The following BSN variants were observed in gnomAD, a reference collection of about 807,000 sequenced individuals.
BSN encodes the protein bassoon presynaptic cytomatrix protein.
A neutral mutation model predicts 264.8 loss-of-function variants in BSN; 57 were observed. The ratio of observed to expected loss-of-function variants is 0.22; its 90% CI spans 0.17 to 0.27. The LOEUF (loss-of-function observed/expected upper bound fraction) is 0.27, where lower values mean the gene tolerates loss of function less well. BSN is among the 10% of genes least tolerant of loss of function. The pLI, the probability that BSN is intolerant of heterozygous loss-of-function variation, is 1.00. For missense variants in BSN, 4,615 were observed against 5,232.5 expected (o/e 0.88, Z 3.64); for synonymous variants, 2,059 against 2,137.3 (o/e 0.96, Z 1.01).
chr3:49,608,273 T>C (rs2052174692), intron 1 of BSN, among the ~76,000 whole-genome samples: 2 of 152,272 alleles, frequency 1.3e-5, no homozygotes, highest in African/African-American at 2.4e-5. Context: ...GAGGAAAGAC[T>C]GCATAGTTGG....
At chr3:49,632,894 A>G (rs1244673090) in intron 2 of BSN, among the ~76,000 whole-genome samples, 1 of 152,174 alleles carries the variant, frequency 6.6e-6, no homozygotes, top group Non-Finnish European at 1.5e-5. Flanking sequence ...TGAGCCTAGG[A>G]GTTTGAGACC....
At chr3:49,665,668 G>A (rs181062463) in intron 11 of BSN, among the ~76,000 whole-genome samples, 40 of 152,350 alleles carry the variant, frequency 2.6e-4, no homozygotes, top group Non-Finnish European at 4.8e-4. Context: ...GTCTGCTGCT[G>A]GTGCCTTTGC....
chr3:49,607,177 C>T (rs1186850304), intron 1 of BSN, among the ~76,000 whole-genome samples: 1 of 152,196 alleles, frequency 6.6e-6, no homozygotes, highest in Non-Finnish European at 1.5e-5. Flanking sequence ...GCCTGGACTT[C>T]TCATTACTTC....
chr3:49,636,737 G>C (rs970310923), intron 2 of BSN, among the ~76,000 whole-genome samples: 5 of 152,216 alleles, frequency 3.3e-5, no homozygotes, highest in Non-Finnish European at 7.3e-5. Context: ...GGATCAGTGT[G>C]ACCCTGCCCA....
At position 49,650,883 on chromosome 3, in the gene BSN, A is replaced by G. The variant is rs767797170; in HGVS notation, c.1790A>G (p.Glu597Gly). The change falls in exon 4 of 12, where the codon GAA becomes GGA. Residue 597 changes from glutamate to glycine, a missense_variant. Physicochemically the swap from Glu to Gly is moderately conservative, Grantham distance 98. This residue lies in a region of BSN where 1,197 missense variants were observed against 1,348.0 expected (regional missense o/e 0.89). Coordinates refer to ENST00000296452, the MANE Select transcript of BSN (RefSeq NM_003458.4). ...SPQAKPLRASEPSKTPSSVQE... is the reference protein window; with the variant it reads ...SPQAKPLRASGPSKTPSSVQE... The stretch of plus-strand genomic sequence containing the variant: ...CAGGCCAAGCCCCTCAGGGCTTCTG[A>G]ACCCAGCAAGACCCCAAGCAGTGTC... The G allele has an allele frequency of 8.1e-6, 13 of 1,614,090 alleles. No homozygotes were observed. In the Admixed American group the frequency reaches 1.5e-4, roughly 19 times the overall value.
At chr3:49,627,353 G>A (rs1162148475) in intron 2 of BSN, among the ~76,000 whole-genome samples, 1 of 152,178 alleles carries the variant, frequency 6.6e-6, no homozygotes, top group African/African-American at 2.4e-5. Flanking sequence ...ACCCTTCTCT[G>A]CTGGGGTTTT....
chr3:49,663,942 T>G lies in BSN; in HGVS notation c.11608+56T>G, dbSNP rs2052689298. ...GGCCCAGAGCACCCAGGCTGTTCTCTCTCTATACCACCTGTGCCCTGAGCT... is the reference window on the plus strand; with the variant it reads ...GGCCCAGAGCACCCAGGCTGTTCTCGCTCTATACCACCTGTGCCCTGAGCT... On this transcript the variant is annotated intron_variant, in intron 8 of 11. Transcript: ENST00000296452. 2.0e-6 allele frequency: 3 copies of G among 1,522,190 alleles called. No homozygotes were observed. The East Asian group carries it at 6.8e-5, about 35-fold the overall frequency. 94.3% of individuals were successfully genotyped at this position (1,522,190 alleles called of 1,614,324 possible).
chr3:49,580,703 C>G (rs1202375501), intron 1 of BSN, among the ~76,000 whole-genome samples: 1 of 152,212 alleles, frequency 6.6e-6, no homozygotes, highest in Non-Finnish European at 1.5e-5. Flanking sequence ...AAGCAATCCT[C>G]CTGCCTCTGC....
rs747486005 is a variant in BSN, at chr3:49,662,933, C to T, written c.10775C>T (p.Ser3592Phe). The T allele has an allele frequency of 6.2e-7, 1 of 1,613,382 alleles. No homozygotes were observed. The highest frequency in any genetic ancestry group is 8.5e-7 in the Non-Finnish European group (1 of 1,179,604). The part of the protein sequence containing the change: ...DWFDKPRDAR[S>F]DRFRHHGGHA... ...TTTGATAAGCCCCGGGATGCCCGCT[C>T]TGACCGGTTCAGGCACCACGGGGGC... The change falls in exon 7 of 12, where the codon TCT (serine) becomes TTT (phenylalanine). Residue 3592 changes from serine to phenylalanine, a missense_variant. Physicochemically the swap from Ser to Phe is radical, Grantham distance 155. Transcript: ENST00000296452.
At chr3:49,566,765 G>T (rs980812736) in intron 1 of BSN, among the ~76,000 whole-genome samples, 3 of 139,768 alleles carry the variant, frequency 2.1e-5, no homozygotes, top group Non-Finnish European at 4.6e-5. Flanking sequence ...CAGCCTGGGT[G>T]ACAGAGTAAG....
chr3:49,653,856 G>A lies in BSN; in HGVS notation c.4300G>A (p.Asp1434Asn), dbSNP rs1179139937. The A allele has an allele frequency of 7.4e-6, 12 of 1,613,946 alleles. No individual in the cohort carries two copies. Among genetic ancestry groups the A allele is most frequent in the Admixed American group, 3.3e-5 (2 of 59,996 alleles). ...TTANYGSQTE[D>N]LPQAPSGLAA... ...TGCAAACTATGGGTCCCAAACTGAG[G>A]ATCTACCCCAGGCCCCCAGTGGCCT... The change falls in exon 5 of 12, where the codon GAT becomes AAT. Residue 1434 changes from aspartate (D) to asparagine (N), a missense_variant. By Grantham distance (23) the Asp-to-Asn change is conservative. Around this residue, in one of 3 missense-constraint regions of BSN, gnomAD observed 3,415 missense variants for 3,866.4 expected, o/e 0.88. Coordinates refer to ENST00000296452, the MANE Select transcript of BSN (RefSeq NM_003458.4). The surrounding 1 kb of genome is among the most constrained non-coding windows in gnomAD (Gnocchi z 6.3).
rs754808600 is a variant in BSN, at chr3:49,655,952, G to A, written c.6396G>A (p.Gly2132=). 31 of 1,610,580 alleles carry A rather than the reference G, an allele frequency of 1.9e-5. No individual in the cohort carries two copies. The South Asian group carries it at 2.5e-4, about 13-fold the overall frequency. The change falls in exon 5 of 12, where the codon GGG becomes GGA. Residue 2132 remains glycine, a synonymous_variant. Coordinates refer to ENST00000296452, the MANE Select transcript of BSN (RefSeq NM_003458.4). ...PDLVQYQPQH[G]PGLSAPQSLV... ...TTGTGCAGTACCAGCCCCAGCACGG[G>A]CCCGGGCTCAGTGCTCCACAGAGTC...
intron 1 of BSN, among the ~76,000 whole-genome samples, chr3:49,603,805 A>G (rs2052090328): frequency 6.6e-6 from 1 of 152,022 alleles, no homozygotes; most frequent in Non-Finnish European, 1.5e-5. Flanking sequence ...CATTTTTGCC[A>G]CCCCAAAAGA....
chr3:49,590,537 T>C (rs1470409132), intron 1 of BSN, among the ~76,000 whole-genome samples: 1 of 152,160 alleles, frequency 6.6e-6, no homozygotes, highest in East Asian at 1.9e-4. Flanking sequence ...TTTAAAATTA[T>C]GTGCCTAGTG....
chr3:49,663,615 G>A lies in BSN; in HGVS notation c.11457G>A (p.Gly3819=). ...CCCCTGCTGCCAGCCAGCCTGCAGG[G>A]AAGCCTCAGCCAGGCCCCAGCACAG... ...GSAPAASQPA[G]KPQPGPSTAT... The change falls in exon 7 of 12, where the codon GGG becomes GGA. Residue 3819 remains glycine, a synonymous_variant. Coordinates refer to ENST00000296452, the MANE Select transcript of BSN (RefSeq NM_003458.4). The A allele has an allele frequency of 1.2e-6, 2 of 1,609,508 alleles. No homozygotes were observed. The highest frequency in any genetic ancestry group is 1.7e-6 in the Non-Finnish European group (2 of 1,178,070).
At chr3:49,615,389 C>T (rs1006145634) in intron 1 of BSN, among the ~76,000 whole-genome samples, 6 of 152,156 alleles carry the variant, frequency 3.9e-5, no homozygotes, top group Non-Finnish European at 7.4e-5. Flanking sequence ...GGTGCTTTGT[C>T]CCCAGCTCTA....
Position 49,660,618 on chromosome 3 carries a change from C to T in BSN, c.8773C>T (p.Arg2925Ter). ...GCTGTATGCAGCCAGCCTGCTGCAGCGAGGGCTGACGGGGCCCACCACTGT... is the reference window on the plus strand; with the variant it reads ...GCTGTATGCAGCCAGCCTGCTGCAGTGAGGGCTGACGGGGCCCACCACTGT... ...PQLYAASLLQ[R>*]GLTGPTTVPA... Residue 2925 changes from arginine to a stop codon, truncating the protein, a stop_gained, in exon 6 of 12, where the codon CGA becomes TGA. Coordinates refer to ENST00000296452, the MANE Select transcript of BSN (RefSeq NM_003458.4). LOFTEE classifies it high-confidence loss of function. The surrounding 1 kb of genome is among the most constrained non-coding windows in gnomAD (Gnocchi z 7.1). 1 of 1,612,944 alleles carries T rather than the reference C, an allele frequency of 6.2e-7. No individual in the cohort carries two copies.
Position 49,655,007 on chromosome 3 carries a change from G to T in BSN, c.5451G>T (p.Leu1817Phe). The change falls in exon 5 of 12, where the codon TTG becomes TTT. Residue 1817 changes from leucine (L) to phenylalanine (F), a missense_variant. By Grantham distance (22) the Leu-to-Phe change is conservative. This residue lies in a region of BSN where 3,415 missense variants were observed against 3,866.4 expected (regional missense o/e 0.88). Coordinates refer to ENST00000296452, the MANE Select transcript of BSN (RefSeq NM_003458.4). ...QVAPLARRDV[L>F]ITQMGTAQSI... ...CTCCTCTGGCCAGAAGAGACGTTTT[G>T]ATCACTCAGATGGGCACCGCCCAGA... The T allele has an allele frequency of 6.2e-7, 1 of 1,613,266 alleles. No individual in the cohort carries two copies. The highest frequency in any genetic ancestry group is 8.5e-7 in the Non-Finnish European group (1 of 1,180,006).
chr3:49,664,520 C>T lies in BSN; in HGVS notation c.11706C>T (p.Gly3902=), dbSNP rs758026358. The change falls in exon 9 of 12, where the codon GGC becomes GGT. Residue 3902 remains glycine, a synonymous_variant. Transcript: ENST00000296452. ...GCGTGTTCTCCAAGATCCTCCCTGG[C>T]GGGGCAGCCGAGCAAGCTGGCAAAC... ...GESVFSKILP[G]GAAEQAGKLT... The T allele has an allele frequency of 6.8e-6, 11 of 1,610,132 alleles. No individual in the cohort carries two copies. Among genetic ancestry groups the T allele is most frequent in the Admixed American group, 6.7e-5 (4 of 59,484 alleles).
Sources: gnomAD v4.1 joint callset for allele counts (sites outside exome capture counted in the v4.1 genomes callset) on GRCh38, gnomAD v4.1.1 for gene constraint, gnomAD v4.1.1 regional missense constraint, Gnocchi (gnomAD v3.1) non-coding constraint, MANE v1.5 for transcripts, NCBI Gene and HGNC (gene_info 2026-07-23, HGNC 2026-07-21) for gene names.